The following INSC variants were observed in gnomAD, a reference collection of about 807,000 sequenced individuals.
INSC encodes INSC spindle orientation adaptor protein.
INSC carries 67 observed loss-of-function variants against 58.6 expected under a neutral mutation model. The observed-to-expected ratio is 1.14, with a 90% CI of 0.94 to 1.40. The LOEUF is 1.40. Ranked by LOEUF, INSC falls within the 40% of genes most tolerant of loss-of-function variation. The pLI, the probability that INSC is intolerant of heterozygous loss-of-function variation, is 0.00. For synonymous variants in INSC, 262 were observed against 276.1 expected (o/e 0.95, Z 0.51); for missense variants, 714 against 692.0 (o/e 1.03, Z -0.36).
At chr11:15,268,174 G>A in the INSC span, among the ~76,000 whole-genome samples, 3 of 152,136 alleles carry the variant, frequency 2.0e-5, no homozygotes, top group Admixed American at 6.6e-5. Flanking sequence ...ATGATGTCCA[G>A]TGTCTGAAAA....
At chr11:15,141,415 TG>T (rs1848368623) in intron 1 of INSC, among the ~76,000 whole-genome samples, 1 of 152,212 alleles carries the variant, frequency 6.6e-6, no homozygotes, top group Admixed American at 6.5e-5. Flanking sequence ...CAAGTCGTTC[TG>T]GGCTATCCAG....
chr11:15,269,135 G>T, the INSC span, among the ~76,000 whole-genome samples: 1 of 151,954 alleles, frequency 6.6e-6, no homozygotes, highest in African/African-American at 2.4e-5. Context: ...GTTTTCAAAG[G>T]TATATCTATT....
intron 5 of INSC, among the ~76,000 whole-genome samples, chr11:15,187,778 C>A (rs1850025239): frequency 6.6e-6 from 1 of 152,022 alleles, no homozygotes; most frequent in Non-Finnish European, 1.5e-5. Flanking sequence ...TTCAGCCTGT[C>A]TTCTTTTACT....
intron 7 of INSC, among the ~76,000 whole-genome samples, chr11:15,210,867 T>A (rs949865764): frequency 6.6e-6 from 1 of 151,408 alleles, no homozygotes; most frequent in Non-Finnish European, 1.5e-5. Context: ...CTGTGAAGGT[T>A]TAGGGTAGAA....
chr11:15,221,761 C>A, intron 8 of INSC, 113 bp downstream of exon 8: 1 of 915,982 alleles, frequency 1.1e-6, no homozygotes, highest in Non-Finnish European at 1.6e-6. Flanking sequence ...CAAATATCTC[C>A]TGCATAGATG....
chr11:15,151,899 T>C (rs1848663398), intron 2 of INSC, among the ~76,000 whole-genome samples: 1 of 152,100 alleles, frequency 6.6e-6, no homozygotes, highest in Non-Finnish European at 1.5e-5. Context: ...ATCTATGGCA[T>C]TTAGAATTTT....
At chr11:15,118,205 C>CATG (rs1847782047) in intron 1 of INSC, among the ~76,000 whole-genome samples, 2 of 152,226 alleles carry the variant, frequency 1.3e-5, no homozygotes, top group African/African-American at 2.4e-5. Context: ...AAGGGCTTTA[C>CATG]TGCCTCCTTG....
At chr11:15,199,873 C>T (rs1358796840) in intron 6 of INSC, among the ~76,000 whole-genome samples, 2 of 152,118 alleles carry the variant, frequency 1.3e-5, no homozygotes, top group Non-Finnish European at 2.9e-5. Flanking sequence ...CTCTAAATGC[C>T]CCAGTTAGTG....
chr11:15,122,717 C>A (rs1014075048), intron 1 of INSC, among the ~76,000 whole-genome samples: 3 of 152,106 alleles, frequency 2.0e-5, no homozygotes, highest in Admixed American at 2.0e-4. Flanking sequence ...TCACTTCTTT[C>A]CATCTCCACC....
At chr11:15,125,395 C>T (rs1051396086) in intron 1 of INSC, among the ~76,000 whole-genome samples, 1 of 152,088 alleles carries the variant, frequency 6.6e-6, no homozygotes, top group Non-Finnish European at 1.5e-5. Context: ...GTATAGTGAA[C>T]ATTGAAAAAT....
intron 1 of INSC, among the ~76,000 whole-genome samples, chr11:15,132,292 T>C (rs1201920854): frequency 1.3e-5 from 2 of 152,166 alleles, no homozygotes; most frequent in Middle Eastern, 3.2e-3. Flanking sequence ...TTGTTTCTTT[T>C]TTCTTTATTT....
the INSC span, among the ~76,000 whole-genome samples, chr11:15,258,948 T>C: frequency 1.3e-5 from 2 of 152,162 alleles, no homozygotes; most frequent in South Asian, 4.1e-4. Context: ...GAAGGGACCA[T>C]GTGGTAACAA....
In INSC at chr11:15,246,534, T is replaced by A. The variant is rs1477564308; in HGVS notation, c.*494T>A. On this transcript the variant is annotated 3_prime_UTR_variant, in exon 13 of 13. Transcript: ENST00000379556. ...GGAATCATATAAAATGTATCCCGGATTTTCTTATTAAATTGTATTTTAAAC... is the reference window on the plus strand; with the variant it reads ...GGAATCATATAAAATGTATCCCGGAATTTCTTATTAAATTGTATTTTAAAC... 2 of 152,718 alleles carry A rather than the reference T, an allele frequency of 1.3e-5. No individual in the cohort carries two copies. The highest frequency in any genetic ancestry group is 2.4e-5 in the African/African-American group (1 of 41,434). 9.5% of individuals were successfully genotyped at this position (152,718 alleles called of 1,614,324 possible).
At chr11:15,202,347 G>A (rs1271875885) in intron 7 of INSC, among the ~76,000 whole-genome samples, 1 of 152,194 alleles carries the variant, frequency 6.6e-6, no homozygotes, top group Non-Finnish European at 1.5e-5. Flanking sequence ...TTAAATGAGA[G>A]AACCAAAAGC....
chr11:15,206,127 A>G (rs1042457941), intron 7 of INSC, among the ~76,000 whole-genome samples: 2 of 152,172 alleles, frequency 1.3e-5, no homozygotes, highest in Middle Eastern at 3.4e-3. Context: ...CCCTACCCCT[A>G]TGCTGGGTTC....
intron 11 of INSC, among the ~76,000 whole-genome samples, chr11:15,239,647 T>C (rs572173053): frequency 6.6e-6 from 1 of 152,302 alleles, no homozygotes; most frequent in East Asian, 1.9e-4. Flanking sequence ...GCTCACAGCC[T>C]CATGGAGGTG....
intron 6 of INSC, among the ~76,000 whole-genome samples, chr11:15,194,770 G>A (rs1850310104): frequency 6.6e-6 from 1 of 152,182 alleles, no homozygotes; most frequent in Non-Finnish European, 1.5e-5. Context: ...AGACAGAATT[G>A]AACCCCAGCC....
At chr11:15,137,811 C>T (rs955159808) in intron 1 of INSC, among the ~76,000 whole-genome samples, 7 of 152,222 alleles carry the variant, frequency 4.6e-5, no homozygotes, top group Admixed American at 2.6e-4. Context: ...CATGTGTTCA[C>T]TGAAGTAGCA....
chr11:15,234,310 G>A (rs1852037731), intron 9 of INSC, among the ~76,000 whole-genome samples: 1 of 152,186 alleles, frequency 6.6e-6, no homozygotes. Flanking sequence ...TCCAATATGT[G>A]TTTAGAAGGA....
Sources: allele counts gnomAD v4.1 joint callset (sites outside exome capture counted in the v4.1 genomes callset), GRCh38; gene constraint gnomAD v4.1.1; transcripts MANE v1.5; gene names NCBI Gene and HGNC (gene_info 2026-07-23, HGNC 2026-07-21).